The following CUX1 variants were observed in gnomAD, a reference collection of about 807,000 sequenced individuals.
CUX1 encodes the protein protein CASP.
In CUX1, 31 loss-of-function variants were observed where a neutral mutation model predicts 158.8. The ratio of observed to expected loss-of-function variants is 0.20; its 90% CI spans 0.15 to 0.26. The LOEUF (loss-of-function observed/expected upper bound fraction) is 0.26. Ranked by LOEUF, CUX1 falls within the 10% of genes least tolerant of loss-of-function variation. CUX1 has a pLI of 1.00. For missense variants in CUX1, 1,589 were observed against 2,014.6 expected (o/e 0.79, Z 4.04); for synonymous variants, 879 against 862.1 (o/e 1.02, Z -0.34).
intron 11 of CUX1, among the ~76,000 whole-genome samples, chr7:102,180,621 C>G (rs1435591511): frequency 6.7e-6 from 1 of 149,366 alleles, no homozygotes; most frequent in East Asian, 1.9e-4. Flanking sequence ...GCCGCTGCAC[C>G]TGGCCCAATG....
intron 1 of CUX1, among the ~76,000 whole-genome samples, chr7:101,886,743 G>A (rs574792513): frequency 5.9e-5 from 9 of 152,274 alleles, no homozygotes; most frequent in South Asian, 2.1e-4. Flanking sequence ...AGCAGGGACC[G>A]CAGGCACAAG....
intron 11 of CUX1, among the ~76,000 whole-genome samples, chr7:102,183,403 A>T (rs1793323804): frequency 6.6e-6 from 1 of 151,852 alleles, no homozygotes; most frequent in African/African-American, 2.4e-5. Context: ...AGAGAGGATC[A>T]TTGGAGCATA....
At chr7:101,816,799 G>A (rs1368682281), upstream of CUX1, 2 of 230,036 alleles carry the variant, frequency 8.7e-6, no homozygotes, top group Admixed American at 1.4e-4. Flanking sequence ...GGCCAGGCGG[G>A]CGGGTGGCCG....
At chr7:101,970,618 C>T (rs1811835929) in intron 2 of CUX1, among the ~76,000 whole-genome samples, 2 of 152,098 alleles carry the variant, frequency 1.3e-5, no homozygotes, top group Admixed American at 1.3e-4. Flanking sequence ...TGCAGTGGTA[C>T]GATCTTGGCT....
intron 20 of CUX1, among the ~76,000 whole-genome samples, chr7:102,227,007 T>C (rs916648784): frequency 6.6e-6 from 1 of 152,204 alleles, no homozygotes; most frequent in Admixed American, 6.5e-5. Context: ...ACACAAGTTA[T>C]GATCTAGCCA....
chr7:102,151,501 C>G (rs113229213), intron 8 of CUX1, among the ~76,000 whole-genome samples: 10,344 of 151,982 alleles, frequency 0.068, 493 homozygotes, highest in African/African-American at 0.13. Context: ...TTGCAGTGAG[C>G]TGAGATCATG....
intron 2 of CUX1, among the ~76,000 whole-genome samples, chr7:101,966,689 C>T (rs1811259322): frequency 1.3e-5 from 2 of 152,088 alleles, no homozygotes; most frequent in East Asian, 1.9e-4. Flanking sequence ...GCCAGGTGCC[C>T]CGACAGGTGA....
intron 4 of CUX1, among the ~76,000 whole-genome samples, chr7:102,093,523 G>A (rs1461637379): frequency 6.6e-6 from 1 of 152,110 alleles, no homozygotes; most frequent in African/African-American, 2.4e-5. Flanking sequence ...TTTCAAAGTC[G>A]TTTGCCTGGC....
intron 23 of CUX1, 32 bp downstream of exon 23, chr7:102,239,616 C>T (rs374974473): frequency 9.4e-6 from 15 of 1,596,464 alleles, no homozygotes; most frequent in African/African-American, 1.3e-5. Context: ...GAGCGCCGGT[C>T]GGCCCAGGGG....
chr7:102,197,714 G>A (rs976785583), intron 15 of CUX1, among the ~76,000 whole-genome samples: 4 of 152,038 alleles, frequency 2.6e-5, no homozygotes, highest in African/African-American at 4.8e-5. Context: ...GACTGGGCTC[G>A]ATCCTCATGC....
At chr7:102,112,242 C>CTT (rs1267673413) in intron 7 of CUX1, among the ~76,000 whole-genome samples, 21 of 100,746 alleles carry the variant, frequency 2.1e-4, no homozygotes, top group Admixed American at 3.2e-4. Flanking sequence ...TTCTCTCTCT[C>CTT]TTTTTTTTTT....
At chr7:101,937,470 C>A (rs1191296717) in intron 2 of CUX1, among the ~76,000 whole-genome samples, 1 of 151,790 alleles carries the variant, frequency 6.6e-6, no homozygotes, top group Non-Finnish European at 1.5e-5. Context: ...TTGTGGGGGG[C>A]CTTCAGAATG....
At chr7:102,078,841 G>T (rs1827058747) in intron 4 of CUX1, among the ~76,000 whole-genome samples, 4 of 152,134 alleles carry the variant, frequency 2.6e-5, no homozygotes, top group Admixed American at 6.5e-5. Context: ...AAATGCCTGT[G>T]CTCTGAGGTC....
At chr7:102,045,737 G>A (rs1277084524) in intron 3 of CUX1, among the ~76,000 whole-genome samples, 1 of 152,248 alleles carries the variant, frequency 6.6e-6, no homozygotes, top group Non-Finnish European at 1.5e-5. Flanking sequence ...ACAATCCAGA[G>A]CAAATCTAAT....
intron 2 of CUX1, among the ~76,000 whole-genome samples, chr7:101,946,927 G>A (rs956389059): frequency 8.5e-5 from 13 of 152,112 alleles, no homozygotes; most frequent in Admixed American, 2.6e-4. Flanking sequence ...CCGTGAGCTC[G>A]GCGGTGAGAA....
At chr7:101,819,859 G>A (rs1426390710) in intron 1 of CUX1, among the ~76,000 whole-genome samples, 1 of 152,078 alleles carries the variant, frequency 6.6e-6, no homozygotes, top group Admixed American at 6.6e-5. Flanking sequence ...CCTCGGCTTC[G>A]TGTATCTTCT....
chr7:102,243,852 A>T (rs1308436927), intron 23 of CUX1, among the ~76,000 whole-genome samples: 6 of 151,728 alleles, frequency 4.0e-5, no homozygotes, highest in Admixed American at 1.3e-4. Flanking sequence ...ACATGGTGAA[A>T]CCCTGCCTCT....
At chr7:102,054,570 G>A (rs1823913178) in intron 3 of CUX1, among the ~76,000 whole-genome samples, 1 of 152,154 alleles carries the variant, frequency 6.6e-6, no homozygotes, top group Non-Finnish European at 1.5e-5. Flanking sequence ...AAATTGGGAA[G>A]TGTGACTCCT....
At chr7:102,081,859 C>T (rs868934013) in intron 4 of CUX1, among the ~76,000 whole-genome samples, 2 of 146,524 alleles carry the variant, frequency 1.4e-5, no homozygotes, top group African/African-American at 2.4e-5. Flanking sequence ...CTCCTGACCT[C>T]GGGTGATGCG....
Sources: gnomAD v4.1 joint callset for allele counts (sites outside exome capture counted in the v4.1 genomes callset) on GRCh38, gnomAD v4.1.1 for gene constraint, MANE v1.5 for transcripts, NCBI Gene and HGNC (gene_info 2026-07-23, HGNC 2026-07-21) for gene names.